The following TNFRSF25 variants were observed in gnomAD, a reference collection of about 807,000 sequenced individuals.
TNFRSF25 encodes tumor necrosis factor receptor superfamily member 25.
A neutral mutation model predicts 49.4 loss-of-function variants in TNFRSF25; 28 were observed. That is an observed-to-expected ratio of 0.57 (90% CI 0.42 to 0.78). The LOEUF (loss-of-function observed/expected upper bound fraction) is 0.78. TNFRSF25 is among the 30% of genes least tolerant of loss of function. The probability of loss-of-function intolerance (pLI) is 0.00; values close to 1 mark genes in which losing one functional copy is unlikely to be tolerated. For synonymous variants in TNFRSF25, 240 were observed against 234.2 expected, an observed-to-expected ratio of 1.02 and a Z score of -0.23; for missense variants, 531 against 581.6, an observed-to-expected ratio of 0.91 and a Z score of 0.90.
In TNFRSF25 at chr1:6,466,149, C is replaced by G; in HGVS notation, c.-42G>C. ...CCCAGGGGCTTCCCGGCTCCGTGCT[C>G]TCTGCCCGTCGTGGTTCCGCCTTCA... On this transcript the variant is annotated 5_prime_UTR_variant, in exon 1 of 10. Coordinates refer to ENST00000356876, the MANE Select transcript of TNFRSF25 (RefSeq NM_003790.3). The G allele has an allele frequency of 8.3e-7, 1 of 1,200,686 alleles. No homozygotes were observed. Among genetic ancestry groups the G allele is most frequent in the South Asian group, 1.7e-5 (1 of 57,254 alleles). The allele number at this position is 1,200,686 out of a possible 1,614,324, so 74.4% of individuals were successfully genotyped here. A position where few individuals can be genotyped will look rare whatever the true frequency, so the allele number is the denominator to read the frequency against.
intron 5 of TNFRSF25, 26 bp downstream of exon 5, chr1:6,464,348 CT>C: frequency 6.3e-7 from 1 of 1,589,596 alleles, no homozygotes; most frequent in Non-Finnish European, 8.6e-7. Context: ...CCGCCCTTCC[CT>C]CCATCCCACG....
intron 6 of TNFRSF25, 47 bp from the exon 7 acceptor site, chr1:6,463,017 G>A (rs753627878): frequency 3.9e-6 from 6 of 1,554,030 alleles, no homozygotes; most frequent in African/African-American, 2.7e-5. Context: ...CTCCTCACCC[G>A]CCTCCCCTCG....
Position 6,461,377 on chromosome 1 carries a change from G to A in TNFRSF25, c.*57C>T. ...AAAATGTCTACACGCATAAGTAACC[G>A]TACTTAGGGCTTCTGCAAGGGCCAC... is the stretch of plus-strand genomic sequence containing the variant. On this transcript the variant is annotated 3_prime_UTR_variant, in exon 10 of 10. Coordinates refer to ENST00000356876, the MANE Select transcript of TNFRSF25 (RefSeq NM_003790.3). This position sits in a 1 kb window ranked among gnomAD's most constrained non-coding sequence, Gnocchi z 6.3. 2.0e-6 allele frequency: 3 copies of A among 1,463,458 alleles called. No homozygotes were observed. The Middle Eastern group carries it at 5.3e-4, about 260-fold the overall frequency. The allele number at this position is 1,463,458 out of a possible 1,614,324, so 90.7% of individuals were successfully genotyped here. A position where few individuals can be genotyped will look rare whatever the true frequency, so the allele number is the denominator to read the frequency against.
rs778429643 is a variant in TNFRSF25, at chr1:6,465,072, CT to C, written c.295+15del. 2 of 1,606,278 alleles carry C rather than the reference CT, an allele frequency of 1.2e-6. No homozygotes were observed. Among genetic ancestry groups the C allele is most frequent in the Non-Finnish European group, 1.7e-6 (2 of 1,176,510 alleles). ...GTCCTTAGGAACTCCCTGCCAAGCA[CT>C]GAGAAGCCCCTCACCCTGCTCATCA... On this transcript the variant is annotated intron_variant, in intron 3 of 9. Transcript: ENST00000356876.
intron 5 of TNFRSF25, 168 bp downstream of exon 5, chr1:6,464,206 TC>T: frequency 1.4e-6 from 2 of 1,473,048 alleles, no homozygotes; most frequent in Non-Finnish European, 1.8e-6. Context: ...TCCAGATTGC[TC>T]TTTTGCCATC....
At chr1:6,463,012 C>A in intron 6 of TNFRSF25, 42 bp from the exon 7 acceptor site, 2 of 1,556,508 alleles carry the variant, frequency 1.3e-6, no homozygotes. Flanking sequence ...CCCCCCTCCT[C>A]ACCCGCCTCC....
Position 6,465,085 on chromosome 1 carries a change from C to G in TNFRSF25, c.295+3G>C, listed in dbSNP as rs1228212322. 1 of 1,611,568 alleles carries G rather than the reference C, an allele frequency of 6.2e-7. No individual in the cohort carries two copies. The highest frequency in any genetic ancestry group is 2.2e-5 in the East Asian group (1 of 44,864). ...CCCTGCCAAGCACTGAGAAGCCCCT[C>G]ACCCTGCTCATCACAGGCCTGGCAG... On this transcript the variant is annotated splice_donor_region_variant and intron_variant, in intron 3 of 9. Coordinates refer to ENST00000356876, the MANE Select transcript of TNFRSF25 (RefSeq NM_003790.3).
intron 5 of TNFRSF25, chr1:6,463,806 A>AGCT (rs1436966003): frequency 6.6e-6 from 1 of 150,386 alleles, no homozygotes; most frequent in Non-Finnish European, 1.5e-5. Context: ...CCTGTGAATT[A>AGCT]GCTGCTAACA....
chr1:6,461,307 T>C lies in TNFRSF25; in HGVS notation c.*127A>G. On this transcript the variant is annotated 3_prime_UTR_variant, in exon 10 of 10. Transcript: ENST00000356876. The surrounding 1 kb of genome is among the most constrained non-coding windows in gnomAD (Gnocchi z 6.3). Reference sequence around the variant, plus strand: ...AGGGGCGAGCAGGGGTGGGGCCGGCTGGTGCTGCTACGCAGGGCCGTGCCA... The same window carrying C: ...AGGGGCGAGCAGGGGTGGGGCCGGCCGGTGCTGCTACGCAGGGCCGTGCCA... 2.4e-6 allele frequency: 3 copies of C among 1,232,624 alleles called. No homozygotes were observed. Among genetic ancestry groups the C allele is most frequent in the Non-Finnish European group, 3.5e-6 (3 of 861,592 alleles). The allele number at this position is 1,232,624 out of a possible 1,614,324, so 76.4% of individuals were successfully genotyped here. A position where few individuals can be genotyped will look rare whatever the true frequency, so the allele number is the denominator to read the frequency against.
Position 6,462,123 on chromosome 1 carries a change from CAGG to C in TNFRSF25, c.793_795del (p.Pro265del). ...ACGGTGCAGATCTTCTCACTGCTGTCAGGAGGTGCTAGAAGGGTGTGGGCGCTG... is the reference window on the plus strand; with the variant it reads ...ACGGTGCAGATCTTCTCACTGCTGTCAGGTGCTAGAAGGGTGTGGGCGCTG... On this transcript the variant is annotated inframe_deletion, in exon 9 of 10. Transcript: ENST00000356876. This position sits in a 1 kb window ranked among gnomAD's most constrained non-coding sequence, Gnocchi z 4.2. The C allele has an allele frequency of 6.2e-7, 1 of 1,613,758 alleles. No individual in the cohort carries two copies. The highest frequency in any genetic ancestry group is 1.1e-5 in the South Asian group (1 of 91,066).
In TNFRSF25 at chr1:6,462,946, G is replaced by T. The variant is rs1016533058; in HGVS notation, c.623C>A (p.Ala208Asp). Residue 208 changes from alanine (A) to aspartate (D), a missense_variant, in exon 7 of 10, where the codon GCT becomes GAT. Ala to Asp is a moderately radical substitution (Grantham distance 126). Transcript: ENST00000356876. This position sits in a 1 kb window ranked among gnomAD's most constrained non-coding sequence, Gnocchi z 4.2. ...RQMFWVQVLL[A>D]GLVVPLLLGA... ...AAGCAGGAGGGGGACCACAAGGCCA[G>T]CCAGGAGCACCTGGACCCAGAACAC... 2.5e-6 allele frequency: 4 copies of T among 1,601,034 alleles called. No homozygotes were observed. The highest frequency in any genetic ancestry group is 3.4e-6 in the Non-Finnish European group (4 of 1,173,564).
intron 1 of TNFRSF25, 76 bp downstream of exon 1, chr1:6,465,993 C>G: frequency 6.6e-7 from 1 of 1,522,086 alleles, no homozygotes; most frequent in Non-Finnish European, 8.8e-7. Context: ...TGGAGACGCG[C>G]CCGGGGCCCC....
rs369890106 is a variant in TNFRSF25, at chr1:6,464,570, G to A, written c.445C>T (p.Arg149Cys). Residue 149 changes from arginine to cysteine, a missense_variant, in exon 4 of 10, where the codon CGC becomes TGC. Coordinates refer to ENST00000356876, the MANE Select transcript of TNFRSF25 (RefSeq NM_003790.3). ...QPCLDCGALHRHTRLLCSRRD... is the reference protein window; with the variant it reads ...QPCLDCGALHCHTRLLCSRRD... The stretch of plus-strand genomic sequence containing the variant: ...TACTCACAGAGTAGCCGTGTGTGGC[G>A]GTGCAGGGCCCCGCAGTCTAGGCAT... 7.4e-6 allele frequency: 12 copies of A among 1,614,008 alleles called. No homozygotes were observed. Among genetic ancestry groups the A allele is most frequent in the South Asian group, 1.1e-5 (1 of 91,082 alleles).
rs984653964 is a variant in TNFRSF25, at chr1:6,465,169, C to T, written c.214G>A (p.Val72Met). ...GCCAAGAAGGTGTCTTGGGGACACA[C>T]AAGGCAGGTGGAGTTGCCGCAGGGC... ...TEPCGNSTCL[V>M]CPQDTFLAWE... The change falls in exon 3 of 10, where the codon GTG becomes ATG. Residue 72 changes from valine (V) to methionine (M), a missense_variant. Transcript: ENST00000356876. 2 of 1,613,794 alleles carry T rather than the reference C, an allele frequency of 1.2e-6. No homozygotes were observed. Among genetic ancestry groups the T allele is most frequent in the Non-Finnish European group, 8.5e-7 (1 of 1,179,980 alleles).
At position 6,464,701 on chromosome 1, in the gene TNFRSF25, T is replaced by A. The variant is rs759857600; in HGVS notation, c.314A>T (p.Glu105Val). The change falls in exon 4 of 10, where the codon GAG becomes GTG. Residue 105 changes from glutamate to valine, a missense_variant. By Grantham distance (121) the Glu-to-Val change is moderately radical. Coordinates refer to ENST00000356876, the MANE Select transcript of TNFRSF25 (RefSeq NM_003790.3). ...CDEQASQVAL[E>V]NCSAVADTRC... is the part of the protein sequence containing the mutation. The stretch of plus-strand genomic sequence containing the variant: ...GGTGTCGGCCACTGCTGAACAGTTC[T>A]CCAGCGCCACCTGGGAGGCTGGTGG... 2.5e-6 allele frequency: 4 copies of A among 1,613,048 alleles called. No individual in the cohort carries two copies. In the African/African-American group the frequency reaches 5.3e-5, roughly 22 times the overall value.
chr1:6,464,651 A>G lies in TNFRSF25; in HGVS notation c.364T>C (p.Phe122Leu). Residue 122 changes from phenylalanine (F) to leucine (L), a missense_variant, in exon 4 of 10, where the codon TTT becomes CTT. Phe to Leu is a conservative substitution (Grantham distance 22). Coordinates refer to ENST00000356876, the MANE Select transcript of TNFRSF25 (RefSeq NM_003790.3). ...DTRCGCKPGW[F>L]VECQVSQCVS... is the part of the protein sequence containing the mutation. ...CATTGGCTGACCTGGCACTCCACAA[A>G]CCAGCCTGGCTTACAGCCACAGCGG... is the stretch of plus-strand genomic sequence containing the variant. 1 of 1,613,988 alleles carries G rather than the reference A, an allele frequency of 6.2e-7. No homozygotes were observed. The highest frequency in any genetic ancestry group is 2.2e-5 in the East Asian group (1 of 44,870).
In TNFRSF25 at chr1:6,464,658, T is replaced by C; in HGVS notation, c.357A>G (p.Pro119=). 6.2e-7 allele frequency: 1 copy of C among 1,614,044 alleles called. No individual in the cohort carries two copies. Among genetic ancestry groups the C allele is most frequent in the Non-Finnish European group, 8.5e-7 (1 of 1,180,024 alleles). Residue 119 remains proline (P), a synonymous_variant, in exon 4 of 10, where the codon CCA becomes CCG. Coordinates refer to ENST00000356876, the MANE Select transcript of TNFRSF25 (RefSeq NM_003790.3). ...AVADTRCGCK[P]GWFVECQVSQ... The stretch of plus-strand genomic sequence containing the variant: ...TGACCTGGCACTCCACAAACCAGCC[T>C]GGCTTACAGCCACAGCGGGTGTCGG...
Position 6,461,442 on chromosome 1 carries a change from C to T in TNFRSF25, c.1246G>A (p.Gly416Ser), listed in dbSNP as rs1446382254. The T allele has an allele frequency of 2.6e-6, 4 of 1,513,616 alleles. No homozygotes were observed. Among genetic ancestry groups the T allele is most frequent in the Admixed American group, 2.2e-5 (1 of 46,268 alleles). The allele number at this position is 1,513,616 out of a possible 1,614,324, so 93.8% of individuals were successfully genotyped here. Residue 416 changes from glycine (G) to serine (S), a missense_variant, in exon 10 of 10, where the codon GGC (glycine) becomes AGC (serine). Gly to Ser is a moderately conservative substitution (Grantham distance 56, BLOSUM62 0). Transcript: ENST00000356876. This position sits in a 1 kb window ranked among gnomAD's most constrained non-coding sequence, Gnocchi z 6.3. ...VEDLRSRLQR[G>S]P ...GGCAAGTGGGCGCCGTGTCACGGGC[C>T]GCGCTGCAGGCGGCTGCGCAAGTCT...
rs1309353091 is a variant in TNFRSF25 at position 6,465,722 on chromosome 1, C to T, written c.40-162G>A. On this transcript the variant is annotated intron_variant, in intron 1 of 9. Transcript: ENST00000356876. ...CCATGGGTGGAGAGGAAACTAACTT[C>T]CTTCCCCCCGCGCACACACCAGGCT... is the stretch of plus-strand genomic sequence containing the variant. 6.6e-5 allele frequency: 94 copies of T among 1,435,086 alleles called. 1 individual carries two copies. The East Asian group carries it at 2.3e-3, about 35-fold the overall frequency. The allele number at this position is 1,435,086 out of a possible 1,614,324, so 88.9% of individuals were successfully genotyped here. A position where few individuals can be genotyped will look rare whatever the true frequency, so the allele number is the denominator to read the frequency against.
Sources: gnomAD v4.1 joint callset for allele counts on GRCh38, gnomAD v4.1.1 for gene constraint, Gnocchi (gnomAD v3.1) non-coding constraint, MANE v1.5 for transcripts, NCBI Gene and HGNC (gene_info 2026-07-23, HGNC 2026-07-21) for gene names.